Variants in FOXN3 observed in about 807,000 individuals in gnomAD.
FOXN3 encodes the protein forkhead box protein N3.
In FOXN3, 7 loss-of-function variants were observed where a neutral mutation model predicts 38.4. That is an observed-to-expected ratio of 0.18 (90% confidence interval 0.10 to 0.34). The LOEUF (loss-of-function observed/expected upper bound fraction) is 0.34. Among genes scored for constraint, FOXN3 ranks in the 10% least tolerant of loss-of-function variants. FOXN3 has a pLI of 1.00. For missense variants in FOXN3, 456 were observed against 613.4 expected (o/e 0.74, Z 2.71); for synonymous variants, 230 against 242.2 (o/e 0.95, Z 0.47).
chr14:89,385,333 T>TC (rs773811369), intron 2 of FOXN3, among the ~76,000 whole-genome samples: 135 of 152,076 alleles, frequency 8.9e-4, no homozygotes, highest in Admixed American at 1.9e-3. Context: ...TATAACCCTA[T>TC]CACCTTGAGC....
chr14:89,227,046 T>C (rs1366261514), intron 4 of FOXN3, among the ~76,000 whole-genome samples: 3 of 152,240 alleles, frequency 2.0e-5, no homozygotes, highest in Non-Finnish European at 4.4e-5. Flanking sequence ...CAAACTAACA[T>C]GCTAAGCAAA....
chr14:89,569,676 T>A (rs1895450010), intron 1 of FOXN3, among the ~76,000 whole-genome samples: 1 of 152,194 alleles, frequency 6.6e-6, no homozygotes, highest in Non-Finnish European at 1.5e-5. Context: ...AGAATAATAG[T>A]TAAAATGAAA....
chr14:89,181,027 C>T (rs1311006778), intron 4 of FOXN3, among the ~76,000 whole-genome samples: 9 of 151,368 alleles, frequency 5.9e-5, no homozygotes, highest in Admixed American at 5.3e-4. Flanking sequence ...CACACACACA[C>T]ACATGCAGAC....
At chr14:89,288,233 G>A (rs551928366) in intron 3 of FOXN3, among the ~76,000 whole-genome samples, 1 of 152,132 alleles carries the variant, frequency 6.6e-6, no homozygotes, top group African/African-American at 2.4e-5. Context: ...CAACCAACCA[G>A]GCCCACCAAC....
intron 2 of FOXN3, among the ~76,000 whole-genome samples, chr14:89,352,967 G>T (rs1235060582): frequency 6.6e-6 from 1 of 152,118 alleles, no homozygotes; most frequent in East Asian, 1.9e-4. Context: ...TCCAGCTGGG[G>T]CAAGAACAGT....
chr14:89,341,918 C>G (rs1888627978), intron 3 of FOXN3, among the ~76,000 whole-genome samples: 1 of 152,128 alleles, frequency 6.6e-6, no homozygotes, highest in Admixed American at 6.6e-5. Flanking sequence ...CCTTGGCTGG[C>G]TATCCCGAGA....
intron 4 of FOXN3, among the ~76,000 whole-genome samples, chr14:89,241,858 C>A (rs1249828554): frequency 6.6e-6 from 1 of 152,172 alleles, no homozygotes; most frequent in Admixed American, 6.5e-5. Context: ...GGGTGTCTAT[C>A]CCACTCGCAA....
intron 2 of FOXN3, among the ~76,000 whole-genome samples, chr14:89,359,676 G>A (rs567847919): frequency 5.9e-5 from 9 of 152,152 alleles, no homozygotes; most frequent in Non-Finnish European, 8.8e-5. Context: ...GAGATGCTCC[G>A]GCCGGTATGG....
At chr14:89,451,438 G>A (rs987050270) in intron 1 of FOXN3, among the ~76,000 whole-genome samples, 8 of 152,100 alleles carry the variant, frequency 5.3e-5, no homozygotes, top group Admixed American at 1.3e-4. Context: ...ACGGCCCGTC[G>A]GTCAACATTT....
intron 4 of FOXN3, among the ~76,000 whole-genome samples, chr14:89,204,543 A>G (rs893771267): frequency 6.6e-6 from 1 of 152,178 alleles, no homozygotes; most frequent in African/African-American, 2.4e-5. Context: ...TAGTTTTCTG[A>G]GATGTGTTGA....
At chr14:89,194,670 G>T (rs1457523251) in intron 4 of FOXN3, among the ~76,000 whole-genome samples, 1 of 150,230 alleles carries the variant, frequency 6.7e-6, no homozygotes, top group African/African-American at 2.5e-5. Context: ...AAATACTTAA[G>T]TTTTTCCCTT....
intron 1 of FOXN3, among the ~76,000 whole-genome samples, chr14:89,579,345 G>A (rs1039318149): frequency 2.7e-5 from 4 of 149,482 alleles, no homozygotes; most frequent in South Asian, 2.1e-4. Context: ...TTGTAGAGAC[G>A]GGGTCTCACT....
At chr14:89,253,170 G>A (rs1003193781) in intron 4 of FOXN3, among the ~76,000 whole-genome samples, 34 of 152,176 alleles carry the variant, frequency 2.2e-4, no homozygotes, top group Non-Finnish European at 4.3e-4. Context: ...GGCCTGATGC[G>A]AAACAGCCTG....
intron 1 of FOXN3, among the ~76,000 whole-genome samples, chr14:89,602,376 T>G (rs1393706487): frequency 6.6e-6 from 1 of 151,998 alleles, no homozygotes; most frequent in Non-Finnish European, 1.5e-5. Flanking sequence ...ATGGTCTGCA[T>G]CCCTAAATAT....
intron 2 of FOXN3, among the ~76,000 whole-genome samples, chr14:89,402,834 C>A (rs1371034141): frequency 6.6e-6 from 1 of 152,170 alleles, no homozygotes; most frequent in East Asian, 1.9e-4. Flanking sequence ...AGAAATACGC[C>A]CCTAGCTTGT....
At chr14:89,281,150 C>A in intron 3 of FOXN3, 136 bp from the exon 4 acceptor site, 1 of 703,856 alleles carries the variant, frequency 1.4e-6, no homozygotes, top group South Asian at 1.7e-5. Context: ...CCTCGAAAAC[C>A]ATGAGGTCTG....
chr14:89,288,068 A>AT (rs1282968922), intron 3 of FOXN3, among the ~76,000 whole-genome samples: 42 of 65,240 alleles, frequency 6.4e-4, no homozygotes, highest in African/African-American at 1.0e-3. Flanking sequence ...CTCAAAAAAA[A>AT]ATATATATAT....
chr14:89,208,247 G>A (rs1174956461), intron 4 of FOXN3, among the ~76,000 whole-genome samples: 3 of 152,226 alleles, frequency 2.0e-5, no homozygotes, highest in African/African-American at 4.8e-5. Context: ...ACCCATTGGC[G>A]TGACAATGAT....
At chr14:89,500,412 C>T (rs552499887) in intron 1 of FOXN3, among the ~76,000 whole-genome samples, 97 of 152,332 alleles carry the variant, frequency 6.4e-4, no homozygotes, top group Non-Finnish European at 1.3e-3. Flanking sequence ...AGAAGCTTCA[C>T]CCAAGGTCAG....
Sources: allele counts gnomAD v4.1 joint callset (sites outside exome capture counted in the v4.1 genomes callset), GRCh38; gene constraint gnomAD v4.1.1; transcripts MANE v1.5; gene names NCBI Gene and HGNC (gene_info 2026-07-23, HGNC 2026-07-21).